PDIA2: variants seen among roughly 807,000 people sequenced by gnomAD.
PDIA2 encodes protein disulfide-isomerase A2.
PDIA2 carries 76 observed loss-of-function variants against 51.1 expected under a neutral mutation model. That is an observed-to-expected ratio of 1.49 (90% confidence interval 1.24 to 1.80). The LOEUF (loss-of-function observed/expected upper bound fraction) is 1.80, where lower values mean the gene tolerates loss of function less well. Among genes scored for constraint, PDIA2 ranks in the 40% most tolerant of loss-of-function variants. The pLI is 0.00. For synonymous variants in PDIA2, 429 were observed against 309.9 expected (o/e 1.38, Z -4.04); for missense variants, 946 against 706.5 (o/e 1.34, Z -3.84).
rs1244272032 is a variant in PDIA2, at chr16:284,517, G to A, written c.330G>A (p.Glu110=). The change falls in exon 2 of 11, where the codon GAG becomes GAA. Residue 110 remains glutamate, a synonymous_variant. Transcript: ENST00000219406. The part of the protein sequence containing the change: ...VDGPAQRELA[E]EFGVTEYPTL... ...GGCCCGCGCAGCGCGAGCTGGCTGA[G>A]GAGTTTGGTGTGACGGAGTACCCTA... 6.2e-7 allele frequency: 1 copy of A among 1,612,258 alleles called. No individual in the cohort carries two copies. Among genetic ancestry groups the A allele is most frequent in the African/African-American group, 1.3e-5 (1 of 74,930 alleles).
chr16:285,586 C>T lies in PDIA2; in HGVS notation c.1002C>T (p.Pro334=), dbSNP rs751382802. Residue 334 remains proline, a synonymous_variant, in exon 7 of 11, where the codon CCC becomes CCT. Transcript: ENST00000219406. The part of the protein sequence containing the change: ...QYFGLKAEAA[P]TLRLVNLETT... ...TTGGACTCAAGGCTGAGGCAGCCCC[C>T]ACTCTGCGCTTGGTCAACCTTGAAA... 6 of 1,613,146 alleles carry T rather than the reference C, an allele frequency of 3.7e-6. No homozygotes were observed. The African/African-American group carries it at 4.0e-5, about 11-fold the overall frequency.
intron 3 of PDIA2, 25 bp downstream of exon 3, chr16:284,817 G>A (rs771796357): frequency 1.5e-5 from 24 of 1,591,180 alleles, no homozygotes; most frequent in Admixed American, 5.1e-5. Context: ...ATGGGGGGCC[G>A]GGCCATGAGG....
Position 286,686 on chromosome 16 carries a change from T to C in PDIA2, c.1373T>C (p.Val458Ala), listed in dbSNP as rs747329727. The C allele has an allele frequency of 3.7e-6, 6 of 1,612,452 alleles. No homozygotes were observed. In the Admixed American group the frequency reaches 1.0e-4, roughly 27 times the overall value. The part of the protein sequence containing the change: ...ATANELDAFA[V>A]HGFPTLKYFP... Reference sequence around the variant, plus strand: ...GCCAACGAGCTGGATGCCTTCGCTGTGCACGGCTTCCCTACTCTCAAGTAC... The same window carrying C: ...GCCAACGAGCTGGATGCCTTCGCTGCGCACGGCTTCCCTACTCTCAAGTAC... Residue 458 changes from valine to alanine, a missense_variant, in exon 9 of 11, where the codon GTG becomes GCG. Physicochemically the swap from Val to Ala is moderately conservative, Grantham distance 64. Transcript: ENST00000219406.
Position 283,718 on chromosome 16 carries a change from G to A in PDIA2, c.199+350G>A, listed in dbSNP as rs1234281616. Among the ~76,000 whole-genome samples the A allele has an allele frequency of 2.6e-5, 4 of 152,208 alleles. No individual in the cohort carries two copies. In the East Asian group the frequency reaches 7.7e-4, roughly 29 times the overall value. ...GCTCGGGCAGTATCCAGGCTTTGGGGGCCCATGGAGGTCCCTGACGTGTGT... is the reference window on the plus strand; with the variant it reads ...GCTCGGGCAGTATCCAGGCTTTGGGAGCCCATGGAGGTCCCTGACGTGTGT... On this transcript the variant is annotated intron_variant, in intron 1 of 10. Transcript: ENST00000219406.
intron 8 of PDIA2, 21 bp downstream of exon 8, chr16:286,494 G>T (rs199919358): frequency 6.2e-7 from 1 of 1,613,160 alleles, no homozygotes; most frequent in Non-Finnish European, 8.5e-7. Flanking sequence ...AGGGAGGCAG[G>T]GGTGGTGTGG....
In PDIA2 at chr16:285,160, T is replaced by A; in HGVS notation, c.755T>A (p.Val252Asp). The A allele has an allele frequency of 6.2e-7, 1 of 1,613,024 alleles. No individual in the cohort carries two copies. Among genetic ancestry groups the A allele is most frequent in the Non-Finnish European group, 8.5e-7 (1 of 1,179,966 alleles). ...LDLGDLSRFL[V>D]THSMRLVTEF... ...CTGGGGGATCTGTCGCGCTTCCTGG[T>A]CACACACAGCATGCGCCTGGTCACG... Residue 252 changes from valine (V) to aspartate (D), a missense_variant, in exon 5 of 11, where the codon GTC (valine) becomes GAC (aspartate). Val to Asp is a radical substitution (Grantham distance 152). Coordinates refer to ENST00000219406, the MANE Select transcript of PDIA2 (RefSeq NM_006849.4).
At chr16:284,052 G>C in intron 1 of PDIA2, 2 of 379,694 alleles carry the variant, frequency 5.3e-6, no homozygotes, top group Non-Finnish European at 1.0e-5. Context: ...ATTTTTAGTA[G>C]AGATGGGGTT....
In PDIA2 at chr16:283,268, TC is replaced by T; in HGVS notation, c.101del (p.Pro34GlnfsTer14). On this transcript the variant is annotated frameshift_variant, in exon 1 of 11. Transcript: ENST00000219406. LOFTEE classifies it high-confidence loss of function. ...GAGCGAGGAGCCCCTCGGAGGAGCCTCCAGAGGAGGAAATCCCCAAGGAGGA... is the reference window on the plus strand; with the variant it reads ...GAGCGAGGAGCCCCTCGGAGGAGCCTCAGAGGAGGAAATCCCCAAGGAGGA... The part of the protein sequence containing the change: ...QGARSPSEEP[P>X]EEEIPKEDGI... The T allele has an allele frequency of 1.2e-6, 2 of 1,610,124 alleles. No individual in the cohort carries two copies. Among genetic ancestry groups the T allele is most frequent in the South Asian group, 2.2e-5 (2 of 90,758 alleles).
rs532734263 is a variant in PDIA2, at chr16:285,235, C to G, written c.795+35C>G. ...CTGCAGTGCCTGGGCTGGGGGTGTC[C>G]CAGGGTAGAGTCGTCCAGGGATGGG... is the stretch of plus-strand genomic sequence containing the variant. On this transcript the variant is annotated intron_variant, in intron 5 of 10. Transcript: ENST00000219406. The G allele has an allele frequency of 5.1e-5, 83 of 1,612,630 alleles. No homozygotes were observed. In the East Asian group the frequency reaches 1.6e-3, roughly 31 times the overall value.
At position 286,397 on chromosome 16, in the gene PDIA2, G is replaced by T; in HGVS notation, c.1164G>T (p.Arg388=). 3 of 1,611,802 alleles carry T rather than the reference G, an allele frequency of 1.9e-6. No homozygotes were observed. The highest frequency in any genetic ancestry group is 1.7e-6 in the Non-Finnish European group (2 of 1,179,686). Residue 388 remains arginine, a synonymous_variant, in exon 8 of 11, where the codon CGG becomes CGT. Coordinates refer to ENST00000219406, the MANE Select transcript of PDIA2 (RefSeq NM_006849.4). ...SQEIPPDWDQ[R]PVKTLVGKNF... The stretch of plus-strand genomic sequence containing the variant: ...AGATACCCCCTGATTGGGATCAGCG[G>T]CCAGTTAAGACCCTCGTGGGCAAGA...
At position 286,361 on chromosome 16, in the gene PDIA2, C is replaced by T; in HGVS notation, c.1128C>T (p.Leu376=). 1.9e-6 allele frequency: 3 copies of T among 1,572,486 alleles called. No individual in the cohort carries two copies. The South Asian group carries it at 3.3e-5, about 17-fold the overall frequency. ...GTCCTGGTTTCCCCCAGCCCTATCT[C>T]CTGAGCCAGGAGATACCCCCTGATT... The part of the protein sequence containing the change: ...AVLNGQVKPY[L]LSQEIPPDWD... The change falls in exon 8 of 11, where the codon CTC becomes CTT. Residue 376 remains leucine (L), a synonymous_variant. Transcript: ENST00000219406.
chr16:283,175 C>T lies in PDIA2; in HGVS notation c.6C>T (p.Ser2=), dbSNP rs772568300. The T allele has an allele frequency of 3.1e-5, 47 of 1,530,638 alleles. 1 individual carries two copies. In the East Asian group the frequency reaches 7.9e-4, roughly 26 times the overall value. 94.8% of individuals were successfully genotyped at this position (1,530,638 alleles called of 1,614,324 possible). M[S]RQLLPVLLLL... ...CCACGCGCCCTGGCAGCACCATGAGCCGCCAGCTTCTGCCTGTACTGCTGC... is the reference window on the plus strand; with the variant it reads ...CCACGCGCCCTGGCAGCACCATGAGTCGCCAGCTTCTGCCTGTACTGCTGC... The change falls in exon 1 of 11, where the codon AGC becomes AGT. Residue 2 remains serine (S), a synonymous_variant. Transcript: ENST00000219406.
In PDIA2 at chr16:286,866, A is replaced by G. The variant is rs752703443; in HGVS notation, c.1454A>G (p.Glu485Gly). Residue 485 changes from glutamate (E) to glycine (G), a missense_variant, in exon 10 of 11, where the codon GAG becomes GGG. Coordinates refer to ENST00000219406, the MANE Select transcript of PDIA2 (RefSeq NM_006849.4). ...GAATACAAAAGCACCAGGGACCTGG[A>G]GACTTTCTCCAAGTTCCTGGACAAC... The part of the protein sequence containing the change: ...VIEYKSTRDL[E>G]TFSKFLDNGG... The G allele has an allele frequency of 3.3e-5, 53 of 1,608,240 alleles. No homozygotes were observed. Among genetic ancestry groups the G allele is most frequent in the Admixed American group, 5.1e-5 (3 of 58,694 alleles).
chr16:285,319 C>A lies in PDIA2; in HGVS notation c.803C>A (p.Ala268Asp), dbSNP rs773377330. Residue 268 changes from alanine to aspartate, a missense_variant, in exon 6 of 11, where the codon GCC becomes GAC. Coordinates refer to ENST00000219406, the MANE Select transcript of PDIA2 (RefSeq NM_006849.4). ...LVTEFNSQTS[A>D]KIFAARILNH... is the part of the protein sequence containing the mutation. ...GCACCCTCCCTACTGTAGACGTCTG[C>A]CAAGATCTTCGCGGCCAGGATCCTC... is the stretch of plus-strand genomic sequence containing the variant. 1 of 1,612,868 alleles carries A rather than the reference C, an allele frequency of 6.2e-7. No homozygotes were observed. Among genetic ancestry groups the A allele is most frequent in the African/African-American group, 1.3e-5 (1 of 74,962 alleles).
At position 285,572 on chromosome 16, in the gene PDIA2, G is replaced by A. The variant is rs906326619; in HGVS notation, c.988G>A (p.Ala330Thr). 6 of 1,613,036 alleles carry A rather than the reference G, an allele frequency of 3.7e-6. No individual in the cohort carries two copies. The highest frequency in any genetic ancestry group is 2.7e-5 in the African/African-American group (2 of 74,876). ...CGTGCTGCAGTACTTTGGACTCAAG[G>A]CTGAGGCAGCCCCCACTCTGCGCTT... ...EHVLQYFGLK[A>T]EAAPTLRLVN... The change falls in exon 7 of 11, where the codon GCT becomes ACT. Residue 330 changes from alanine to threonine, a missense_variant. Ala to Thr is a moderately conservative substitution (Grantham distance 58). Coordinates refer to ENST00000219406, the MANE Select transcript of PDIA2 (RefSeq NM_006849.4).
chr16:285,769 T>C, intron 7 of PDIA2, 66 bp downstream of exon 7: 1 of 1,532,600 alleles, frequency 6.5e-7, no homozygotes. Context: ...TGGCAGGGGG[T>C]GGGAACAGCA....
chr16:286,966 G>GCTCCAGGC, intron 10 of PDIA2, 21 bp downstream of exon 10: 1 of 1,605,520 alleles, frequency 6.2e-7, no homozygotes, highest in Non-Finnish European at 8.5e-7. Context: ...CTAAGCCAGG[G>GCTCCAGGC]CTCCAGGCCT....
chr16:284,611 C>T lies in PDIA2; in HGVS notation c.406+18C>T, dbSNP rs760140041. ...GTACACAGGTGAGGGGCAGGCCGGTCATTGGGGGGGCGGTGGCCAGGCCGA... is the reference window on the plus strand; with the variant it reads ...GTACACAGGTGAGGGGCAGGCCGGTTATTGGGGGGGCGGTGGCCAGGCCGA... On this transcript the variant is annotated intron_variant, in intron 2 of 10. Transcript: ENST00000219406. The T allele has an allele frequency of 1.4e-5, 22 of 1,606,974 alleles. No homozygotes were observed. Among genetic ancestry groups the T allele is most frequent in the Non-Finnish European group, 1.4e-5 (17 of 1,179,054 alleles).
rs577785341 is a variant in PDIA2 at position 286,897 on chromosome 16, C to T, written c.1485C>T (p.Gly495=). The change falls in exon 10 of 11, where the codon GGC becomes GGT. Residue 495 remains glycine (G), a synonymous_variant. Transcript: ENST00000219406. ...TCTCCAAGTTCCTGGACAACGGGGG[C>T]GTGCTGCCCACGGAGGAGCCCCCGG... ...ETFSKFLDNG[G]VLPTEEPPEE... The T allele has an allele frequency of 2.2e-5, 35 of 1,602,866 alleles. No homozygotes were observed. In the African/African-American group the frequency reaches 2.4e-4, roughly 11 times the overall value.
Sources: allele counts gnomAD v4.1 joint callset (sites outside exome capture counted in the v4.1 genomes callset), GRCh38; gene constraint gnomAD v4.1.1; transcripts MANE v1.5; gene names NCBI Gene and HGNC (gene_info 2026-07-23, HGNC 2026-07-21).